The following CD99 variants were observed in gnomAD, a reference collection of about 807,000 sequenced individuals.
CD99 encodes the protein CD99 antigen.
In CD99, 19 loss-of-function variants were observed where a neutral mutation model predicts 28.4. The ratio of observed to expected loss-of-function variants is 0.67; its 90% confidence interval spans 0.47 to 0.98. The LOEUF (loss-of-function observed/expected upper bound fraction) is 0.98, where lower values mean the gene tolerates loss of function less well. CD99 is among the 50% of genes least tolerant of loss of function. The pLI is 0.00. For synonymous variants in CD99, 103 were observed against 92.1 expected, an observed-to-expected ratio of 1.12 and a Z score of -0.67; for missense variants, 283 against 248.8, an observed-to-expected ratio of 1.14 and a Z score of -0.92.
chrX:2,720,353 C>CA lies in CD99; in HGVS notation c.194-2dup, dbSNP rs1220066666. 2 of 1,613,668 alleles carry CA rather than the reference C, an allele frequency of 1.2e-6. No individual in the cohort carries two copies. The highest frequency in any genetic ancestry group is 8.5e-7 in the Non-Finnish European group (1 of 1,179,786). On this transcript the variant is annotated splice_region_variant and splice_polypyrimidine_tract_variant and intron_variant, in intron 4 of 9. Transcript: ENST00000381192. ...AATTGCAACTCTCATCTTTCACAAA[C>CA]AGACGACCCACGACCACCGAACCCA...
chrX:2,737,657 G>A (rs1330606151), intron 8 of CD99, among the ~76,000 whole-genome samples: 2 of 151,476 alleles, frequency 1.3e-5, no homozygotes, highest in African/African-American at 4.9e-5. Flanking sequence ...ACCACGCCCA[G>A]TTAACTTTTG....
intron 1 of CD99, among the ~76,000 whole-genome samples, chrX:2,698,783 A>G (rs188768270): frequency 1.3e-5 from 2 of 152,312 alleles, no homozygotes; most frequent in African/African-American, 4.8e-5. Context: ...GGTTTCAGAC[A>G]CAAACCTGCT....
At chrX:2,736,505 A>G (rs1200122605) in intron 8 of CD99, among the ~76,000 whole-genome samples, 2 of 152,084 alleles carry the variant, frequency 1.3e-5, no homozygotes, top group Non-Finnish European at 1.5e-5. Flanking sequence ...CACCGACAAC[A>G]TTTGGGGACT....
chrX:2,717,763 G>C (rs1222652246), intron 3 of CD99, 111 bp downstream of exon 3: 2 of 917,698 alleles, frequency 2.2e-6, no homozygotes, highest in Non-Finnish European at 3.6e-6. Context: ...TGAGTGCTCC[G>C]GCTGGAGTCT....
chrX:2,717,705 G>A (rs1365866847), intron 3 of CD99, 53 bp downstream of exon 3: 11 of 1,515,314 alleles, frequency 7.3e-6, no homozygotes, highest in Admixed American at 5.0e-5. Flanking sequence ...TCATTTTCTC[G>A]GACAGCAGGA....
intron 1 of CD99, among the ~76,000 whole-genome samples, chrX:2,700,345 C>A (rs1365181701): frequency 6.6e-6 from 1 of 152,170 alleles, no homozygotes; most frequent in Non-Finnish European, 1.5e-5. Context: ...ATCCATGTGT[C>A]CTTCCATCCA....
rs1019557392 is a variant in CD99, at chrX:2,711,412, T to G, written c.68-3010T>G. 2.9e-3 allele frequency among the ~76,000 whole-genome samples: 254 copies of G among 86,408 alleles called. 3 individuals are homozygous for G. Among genetic ancestry groups the G allele is most frequent in the African/African-American group, 0.01 (217 of 20,730 alleles). The allele number at this position is 86,408 out of a possible 152,430, so 56.7% of individuals were successfully genotyped here. A position where few individuals can be genotyped will look rare whatever the true frequency, so the allele number is the denominator to read the frequency against. ...TGTGTATATATAGTATGTGTGTGTATTATATATATATATAGTATGTGTATG... is the reference window on the plus strand; with the variant it reads ...TGTGTATATATAGTATGTGTGTGTAGTATATATATATATAGTATGTGTATG... On this transcript the variant is annotated intron_variant, in intron 1 of 9. Transcript: ENST00000381192.
chrX:2,691,464 A>G (rs770676663), intron 1 of CD99, 37 bp downstream of exon 1: 11 of 1,561,002 alleles, frequency 7.0e-6, no homozygotes, highest in East Asian at 2.4e-5. Context: ...GGGGACGCGG[A>G]GGGCGCGGGC....
intron 1 of CD99, chrX:2,691,729 C>G (rs1371989727): frequency 1.4e-6 from 1 of 717,772 alleles, no homozygotes; most frequent in South Asian, 1.5e-5. Flanking sequence ...AGGGGACCTT[C>G]TTACAGATCT....
chrX:2,708,709 G>A (rs892794236), intron 1 of CD99, among the ~76,000 whole-genome samples: 4 of 152,172 alleles, frequency 2.6e-5, no homozygotes, highest in African/African-American at 9.7e-5. Context: ...GGCGTGAGGG[G>A]CATACTGTGT....
At chrX:2,721,360 A>C (rs1226963453) in intron 5 of CD99, among the ~76,000 whole-genome samples, 13 of 151,972 alleles carry the variant, frequency 8.6e-5, no homozygotes, top group African/African-American at 3.1e-4. Flanking sequence ...CATATTAAAC[A>C]TAAGAGCATA....
chrX:2,713,621 T>C (rs2048548030), intron 1 of CD99, among the ~76,000 whole-genome samples: 1 of 152,206 alleles, frequency 6.6e-6, no homozygotes, highest in African/African-American at 2.4e-5. Flanking sequence ...TTGCACCTGT[T>C]GTGGAACTGG....
intron 1 of CD99, among the ~76,000 whole-genome samples, chrX:2,699,357 A>G (rs2047733495): frequency 6.6e-6 from 1 of 151,168 alleles, no homozygotes; most frequent in Non-Finnish European, 1.5e-5. Flanking sequence ...TTTAGTAGAG[A>G]CGGGATTTCA....
At chrX:2,726,485 G>A (rs773241253) in intron 8 of CD99, 112 bp downstream of exon 8, 29 of 749,318 alleles carry the variant, frequency 3.9e-5, no homozygotes, top group Non-Finnish European at 6.8e-5. Flanking sequence ...GTGCACGATG[G>A]CTGATGGTTC....
At chrX:2,724,142 C>T (rs1195407395) in intron 7 of CD99, among the ~76,000 whole-genome samples, 8 of 152,104 alleles carry the variant, frequency 5.3e-5, no homozygotes, top group Non-Finnish European at 1.0e-4. Context: ...TAGCCCTCAC[C>T]TAGGACTACA....
chrX:2,693,532 G>C (rs1215766092), intron 1 of CD99, among the ~76,000 whole-genome samples: 1 of 152,114 alleles, frequency 6.6e-6, no homozygotes, highest in Non-Finnish European at 1.5e-5. Context: ...ATTAATACAC[G>C]TTTCATCGGG....
chrX:2,697,120 C>T (rs369624923), intron 1 of CD99, among the ~76,000 whole-genome samples: 3 of 151,876 alleles, frequency 2.0e-5, no homozygotes, highest in South Asian at 2.1e-4. Flanking sequence ...CTAAAGAAGC[C>T]GCATGGGCAA....
chrX:2,725,532 C>G (rs1405814183), intron 7 of CD99, among the ~76,000 whole-genome samples: 1 of 152,212 alleles, frequency 6.6e-6, no homozygotes, highest in Non-Finnish European at 1.5e-5. Flanking sequence ...ATGCCCCAAG[C>G]ATTGCAGGTC....
At chrX:2,722,822 G>A (rs1380221154) in intron 6 of CD99, 148 bp downstream of exon 6, 8 of 878,006 alleles carry the variant, frequency 9.1e-6, no homozygotes, top group Non-Finnish European at 1.5e-5. Flanking sequence ...CCGCCTGTTT[G>A]CTGAGGCTTC....
Sources: gnomAD v4.1 joint callset for allele counts (sites outside exome capture counted in the v4.1 genomes callset) on GRCh38, gnomAD v4.1.1 for gene constraint, MANE v1.5 for transcripts, NCBI Gene and HGNC (gene_info 2026-07-23, HGNC 2026-07-21) for gene names.